Variants in COL24A1 observed in about 807,000 individuals in gnomAD.
COL24A1 encodes collagen type XXIV alpha 1 chain, also known as collagen alpha-1(XXIV) chain.
A neutral mutation model predicts 253.9 loss-of-function variants in COL24A1; 224 were observed. The ratio of observed to expected loss-of-function variants is 0.88; its 90% CI spans 0.79 to 0.99. COL24A1 has a LOEUF of 0.99. Among genes scored for constraint, COL24A1 ranks in the 50% least tolerant of loss-of-function variants. The pLI is 0.00. For synonymous variants in COL24A1, 685 were observed against 673.7 expected (o/e 1.02, Z -0.26); for missense variants, 2,131 against 2,068.5 (o/e 1.03, Z -0.59).
intron 55 of COL24A1, among the ~76,000 whole-genome samples, chr1:85,748,505 T>C (rs1268180351): frequency 6.6e-6 from 1 of 152,138 alleles, no homozygotes; most frequent in Non-Finnish European, 1.5e-5. Context: ...ACCATGTCTT[T>C]AGAACTAAAG....
chr1:86,058,652 A>G (rs188797644), intron 9 of COL24A1, among the ~76,000 whole-genome samples: 3 of 152,020 alleles, frequency 2.0e-5, no homozygotes, highest in Non-Finnish European at 1.5e-5. Context: ...TACATTTAAA[A>G]TGATTAGAAT....
chr1:86,058,312 C>T (rs1174429177), intron 9 of COL24A1, among the ~76,000 whole-genome samples: 1 of 151,126 alleles, frequency 6.6e-6, no homozygotes, highest in Non-Finnish European at 1.5e-5. Context: ...AAAGATAGGC[C>T]CATAAATTTT....
chr1:85,842,038 T>G, intron 41 of COL24A1, 30 bp downstream of exon 41: 1 of 1,592,318 alleles, frequency 6.3e-7, no homozygotes, highest in East Asian at 2.2e-5. Context: ...TGTTTAACTT[T>G]AAGATTAAAA....
chr1:85,736,605 G>A (rs2100833792), intron 58 of COL24A1: 1 of 418,630 alleles, frequency 2.4e-6, no homozygotes, highest in South Asian at 1.7e-5. Flanking sequence ...GAAGAGAGGT[G>A]TTTTAGGAGG....
At chr1:86,151,814 T>C (rs1385287659) in intron 1 of COL24A1, among the ~76,000 whole-genome samples, 1 of 152,212 alleles carries the variant, frequency 6.6e-6, no homozygotes, top group African/African-American at 2.4e-5. Flanking sequence ...CACTTCTACA[T>C]AGATTCAATT....
chr1:86,034,058 C>A, intron 12 of COL24A1, 135 bp from the exon 13 acceptor site: 1 of 559,776 alleles, frequency 1.8e-6, no homozygotes, highest in Non-Finnish European at 3.0e-6. Flanking sequence ...CATTCTTTTG[C>A]ATAACACGCT....
chr1:85,781,298 C>T, intron 51 of COL24A1, 25 bp from the exon 52 acceptor site: 2 of 1,542,614 alleles, frequency 1.3e-6, no homozygotes, highest in Non-Finnish European at 1.8e-6. Context: ...GAAAAACAGT[C>T]TCACTGTTAG....
chr1:85,895,913 A>G lies in COL24A1; in HGVS notation c.2878-11T>C, dbSNP rs1683645230. 1.2e-6 allele frequency: 2 copies of G among 1,608,014 alleles called. No individual in the cohort carries two copies. Among genetic ancestry groups the G allele is most frequent in the African/African-American group, 2.7e-5 (2 of 74,632 alleles). On this transcript the variant is annotated splice_polypyrimidine_tract_variant and intron_variant, in intron 30 of 59. Transcript: ENST00000370571. ...GTTTCCAGTCTTACCCTACATGAGA[A>G]AGAAAATTCTTGAGTCAAGTAGTCC...
At chr1:85,875,019 AC>A (rs1170433528) in intron 34 of COL24A1, among the ~76,000 whole-genome samples, 1 of 152,198 alleles carries the variant, frequency 6.6e-6, no homozygotes, top group Non-Finnish European at 1.5e-5. Flanking sequence ...CCGAGGTAGG[AC>A]AGTTTCATCC....
At chr1:85,732,941 C>G (rs955368951) in intron 59 of COL24A1, among the ~76,000 whole-genome samples, 1 of 152,080 alleles carries the variant, frequency 6.6e-6, no homozygotes, top group African/African-American at 2.4e-5. Flanking sequence ...CCAGTGAAAG[C>G]CCAATCTAGA....
chr1:86,119,262 C>T lies in COL24A1; in HGVS notation c.1492-3884G>A, dbSNP rs17128842. ...TGCCCAATACTGAGAAACTTTGGAG[C>T]GAAGGTGTTGAGAGATAACCAAATC... On this transcript the variant is annotated intron_variant, in intron 3 of 59. Coordinates refer to ENST00000370571, the MANE Select transcript of COL24A1 (RefSeq NM_152890.7). Among the ~76,000 whole-genome samples, 451 of 152,182 alleles carry T rather than the reference C, an allele frequency of 3.0e-3. 4 individuals carry two copies. Among genetic ancestry groups the T allele is most frequent in the African/African-American group, 0.011 (439 of 41,524 alleles).
At chr1:85,839,954 A>T (rs764533691) in intron 42 of COL24A1, among the ~76,000 whole-genome samples, 5 of 152,122 alleles carry the variant, frequency 3.3e-5, no homozygotes, top group Non-Finnish European at 7.4e-5. Flanking sequence ...CTTAAATTGA[A>T]ATTAGTTGGA....
chr1:85,995,099 T>C (rs1054549616), intron 19 of COL24A1, among the ~76,000 whole-genome samples: 5 of 152,332 alleles, frequency 3.3e-5, no homozygotes, highest in African/African-American at 7.2e-5. Flanking sequence ...AAATTCCTTA[T>C]GACAAAACAT....
At chr1:85,949,433 G>A (rs1213221536) in intron 24 of COL24A1, among the ~76,000 whole-genome samples, 1 of 152,048 alleles carries the variant, frequency 6.6e-6, no homozygotes, top group Non-Finnish European at 1.5e-5. Flanking sequence ...GATAAAATTT[G>A]GATATATATA....
chr1:85,958,792 T>C (rs1307485306), intron 24 of COL24A1, among the ~76,000 whole-genome samples: 3 of 152,112 alleles, frequency 2.0e-5, no homozygotes, highest in Non-Finnish European at 4.4e-5. Context: ...TAATTCTAGA[T>C]TTACTTCTAA....
At chr1:86,148,346 G>A (rs1328126033) in intron 1 of COL24A1, among the ~76,000 whole-genome samples, 2 of 151,654 alleles carry the variant, frequency 1.3e-5, no homozygotes, top group Admixed American at 6.6e-5. Context: ...CACCACACCC[G>A]GCTAATTTTT....
At chr1:85,813,811 A>T (rs147674393) in intron 47 of COL24A1, among the ~76,000 whole-genome samples, 3,828 of 152,034 alleles carry the variant, frequency 0.025, 122 homozygotes, top group Admixed American at 0.072. Context: ...TCGGCCTCCC[A>T]AAGTGCTGGG....
intron 47 of COL24A1, among the ~76,000 whole-genome samples, chr1:85,809,609 A>G (rs1365487408): frequency 6.6e-6 from 1 of 152,024 alleles, no homozygotes; most frequent in African/African-American, 2.4e-5. Context: ...GCACTGACTG[A>G]CCATCACAAT....
chr1:85,853,984 A>G (rs1678117995), intron 37 of COL24A1, among the ~76,000 whole-genome samples: 1 of 151,976 alleles, frequency 6.6e-6, no homozygotes, highest in Admixed American at 6.6e-5. Flanking sequence ...TTCATTTGTC[A>G]AGTTTTGTTT....
Sources: gnomAD v4.1 joint callset for allele counts (sites outside exome capture counted in the v4.1 genomes callset) on GRCh38, gnomAD v4.1.1 for gene constraint, MANE v1.5 for transcripts, NCBI Gene and HGNC (gene_info 2026-07-23, HGNC 2026-07-21) for gene names.